CNTNAP2: variants seen among roughly 807,000 people sequenced by gnomAD.
The protein encoded by CNTNAP2 is contactin associated protein 2, also known as contactin-associated protein-like 2.
CNTNAP2 carries 98 observed loss-of-function variants against 155.2 expected under a neutral mutation model. The ratio of observed to expected loss-of-function variants is 0.63; its 90% CI spans 0.54 to 0.75. The LOEUF (loss-of-function observed/expected upper bound fraction) is 0.75, where lower values mean the gene tolerates loss of function less well. CNTNAP2 is among the 30% of genes least tolerant of loss of function. CNTNAP2 has a pLI of 0.00. For synonymous variants in CNTNAP2, 651 were observed against 631.2 expected, an observed-to-expected ratio of 1.03 and a Z score of -0.47; for missense variants, 1,727 against 1,688.1, an observed-to-expected ratio of 1.02 and a Z score of -0.40.
intron 18 of CNTNAP2, among the ~76,000 whole-genome samples, chr7:148,211,223 G>T (rs1795543713): frequency 6.6e-6 from 1 of 152,228 alleles, no homozygotes; most frequent in African/African-American, 2.4e-5. Flanking sequence ...CTCTAGCATG[G>T]TTCTGGCTCC....
rs1202259310 is a variant in CNTNAP2, at chr7:146,473,116, G to C, written c.98-301155G>C. Among the ~76,000 whole-genome samples, 6 of 152,070 alleles carry C rather than the reference G, an allele frequency of 3.9e-5. No homozygotes were observed. In the East Asian group the frequency reaches 1.2e-3, roughly 29 times the overall value. On this transcript the variant is annotated intron_variant, in intron 1 of 23. Transcript: ENST00000361727. The stretch of plus-strand genomic sequence containing the variant: ...AGCCTACACCTTAATCATGAGAGTT[G>C]TCCGTGATCTAGCATCTCTGAAGGA...
chr7:146,218,394 AG>A (rs1387463824), intron 1 of CNTNAP2, among the ~76,000 whole-genome samples: 2 of 152,104 alleles, frequency 1.3e-5, no homozygotes, highest in African/African-American at 4.8e-5. Flanking sequence ...CCGTAGTCCC[AG>A]CTACTCGGGA....
intron 10 of CNTNAP2, among the ~76,000 whole-genome samples, chr7:147,444,836 T>G (rs1797706411): frequency 6.6e-6 from 1 of 152,156 alleles, no homozygotes; most frequent in Non-Finnish European, 1.5e-5. Flanking sequence ...TACTTGAGAC[T>G]GGGTAATTTA....
intron 1 of CNTNAP2, among the ~76,000 whole-genome samples, chr7:146,595,736 A>T (rs577552051): frequency 8.5e-5 from 13 of 152,164 alleles, no homozygotes; most frequent in Admixed American, 7.9e-4. Context: ...AAGTATATAT[A>T]ATTTTCCTAT....
chr7:148,013,126 G>GTACT (rs964142822), intron 15 of CNTNAP2: 2 of 152,154 alleles, frequency 1.3e-5, no homozygotes, highest in African/African-American at 4.8e-5. Flanking sequence ...CTTATTAAAT[G>GTACT]TACTTTCCTT....
At chr7:147,849,715 T>C (rs939397685) in intron 13 of CNTNAP2, among the ~76,000 whole-genome samples, 41 of 152,350 alleles carry the variant, frequency 2.7e-4, no homozygotes, top group African/African-American at 9.9e-4. Flanking sequence ...GGCCAGGGAC[T>C]CTGTGGACCC....
chr7:146,544,708 G>T (rs996659883), intron 1 of CNTNAP2, among the ~76,000 whole-genome samples: 6 of 150,506 alleles, frequency 4.0e-5, no homozygotes, highest in Non-Finnish European at 8.9e-5. Context: ...GAAGCAGAGT[G>T]CCTTGAAGGA....
At chr7:148,388,581 T>C (rs527512900) in intron 22 of CNTNAP2, among the ~76,000 whole-genome samples, 1 of 152,260 alleles carries the variant, frequency 6.6e-6, no homozygotes, top group African/African-American at 2.4e-5. Context: ...TCTTTGCAAT[T>C]GTGAATAGTG....
intron 3 of CNTNAP2, among the ~76,000 whole-genome samples, chr7:146,912,441 A>G (rs1371974966): frequency 1.3e-5 from 2 of 152,136 alleles, no homozygotes; most frequent in African/African-American, 4.8e-5. Context: ...AAAAAGATAA[A>G]TACAATTTTG....
At chr7:148,244,223 A>G (rs937050101) in intron 20 of CNTNAP2, among the ~76,000 whole-genome samples, 1 of 152,230 alleles carries the variant, frequency 6.6e-6, no homozygotes, top group Non-Finnish European at 1.5e-5. Flanking sequence ...GCTGTATGTC[A>G]TCACAGAGTT....
At position 147,259,908 on chromosome 7, in the gene CNTNAP2, C is replaced by G. The variant is rs79416370; in HGVS notation, c.1349-40233C>G. ...GGTTATATAGGTTATCTCCCTAAAT[C>G]TGAATAAAATTCTGAGAGTGTTTAG... On this transcript the variant is annotated intron_variant, in intron 8 of 23. Transcript: ENST00000361727. Among the ~76,000 whole-genome samples, 893 of 152,252 alleles carry G rather than the reference C, an allele frequency of 5.9e-3. 7 individuals carry two copies. The highest frequency in any genetic ancestry group is 0.021 in the African/African-American group (859 of 41,526).
At chr7:146,449,455 A>G (rs1796446905) in intron 1 of CNTNAP2, among the ~76,000 whole-genome samples, 1 of 152,132 alleles carries the variant, frequency 6.6e-6, no homozygotes, top group African/African-American at 2.4e-5. Flanking sequence ...ACTGCCATGT[A>G]TCCTCAGGTC....
intron 1 of CNTNAP2, among the ~76,000 whole-genome samples, chr7:146,614,587 C>A (rs891038683): frequency 6.6e-6 from 1 of 152,184 alleles, no homozygotes; most frequent in African/African-American, 2.4e-5. Context: ...ATTATATCAC[C>A]ATCCAGCTGA....
intron 1 of CNTNAP2, among the ~76,000 whole-genome samples, chr7:146,748,092 GAGTAA>G (rs1450272782): frequency 6.7e-6 from 1 of 150,204 alleles, no homozygotes; most frequent in African/African-American, 2.4e-5. Flanking sequence ...AAAGCCCAGA[GAGTAA>G]AGTAGTTTGT....
chr7:146,745,454 T>C (rs1801792968), intron 1 of CNTNAP2, among the ~76,000 whole-genome samples: 1 of 152,010 alleles, frequency 6.6e-6, no homozygotes, highest in Non-Finnish European at 1.5e-5. Flanking sequence ...AGACAAGATA[T>C]AAACAAAGGT....
intron 21 of CNTNAP2, among the ~76,000 whole-genome samples, chr7:148,291,461 C>A (rs902912265): frequency 6.6e-6 from 1 of 152,080 alleles, no homozygotes; most frequent in African/African-American, 2.4e-5. Flanking sequence ...AAGCATCCAG[C>A]ACAAGAGAAA....
chr7:147,100,674 A>G (rs1800634969), intron 4 of CNTNAP2, among the ~76,000 whole-genome samples: 1 of 152,200 alleles, frequency 6.6e-6, no homozygotes, highest in South Asian at 2.1e-4. Flanking sequence ...AATCATGTAT[A>G]AATCTGTACT....
intron 3 of CNTNAP2, among the ~76,000 whole-genome samples, chr7:147,009,489 C>T (rs1442119560): frequency 6.6e-6 from 1 of 152,140 alleles, no homozygotes; most frequent in Non-Finnish European, 1.5e-5. Flanking sequence ...TTGTTTATTT[C>T]ACTTGGAGTT....
intron 1 of CNTNAP2, among the ~76,000 whole-genome samples, chr7:146,247,354 G>C (rs1799678099): frequency 6.6e-6 from 1 of 152,192 alleles, no homozygotes; most frequent in African/African-American, 2.4e-5. Flanking sequence ...GCCGGACCGG[G>C]TGTGAGGAGG....
Sources: gnomAD v4.1 joint callset for allele counts (sites outside exome capture counted in the v4.1 genomes callset) on GRCh38, gnomAD v4.1.1 for gene constraint, MANE v1.5 for transcripts, NCBI Gene and HGNC (gene_info 2026-07-23, HGNC 2026-07-21) for gene names.